Variants in C4orf51 observed in about 807,000 individuals in gnomAD.
C4orf51 encodes chromosome 4 open reading frame 51, also known as uncharacterized protein C4orf51.
A neutral mutation model predicts 25.2 loss-of-function variants in C4orf51; 25 were observed. The observed-to-expected ratio is 0.99, with a 90% CI of 0.72 to 1.39. C4orf51 has a LOEUF of 1.39. Among genes scored for constraint, C4orf51 ranks in the 40% most tolerant of loss-of-function variants. C4orf51 has a pLI of 0.00. For synonymous variants in C4orf51, 100 were observed against 84.5 expected, an observed-to-expected ratio of 1.18 and a Z score of -1.01; for missense variants, 252 against 239.6, an observed-to-expected ratio of 1.05 and a Z score of -0.34.
intron 1 of C4orf51, among the ~76,000 whole-genome samples, chr4:145,752,137 TA>T (rs1377001308): frequency 3.3e-5 from 5 of 152,202 alleles, no homozygotes; most frequent in African/African-American, 9.6e-5. Context: ...CTTGGTGCTC[TA>T]CCCCACTGTG....
At chr4:145,715,486 G>C (rs532923750) in intron 2 of C4orf51, among the ~76,000 whole-genome samples, 71 of 152,272 alleles carry the variant, frequency 4.7e-4, no homozygotes, top group Non-Finnish European at 9.4e-4. Context: ...TTGGCACTGA[G>C]TTGTGCTACC....
At chr4:145,718,056 A>G (rs6818284) in intron 2 of C4orf51, among the ~76,000 whole-genome samples, 6,475 of 152,258 alleles carry the variant, frequency 0.043, 398 homozygotes, top group African/African-American at 0.14. Flanking sequence ...CTGGGCCAAC[A>G]CTCACTGGCT....
At chr4:145,709,808 T>G (rs972028937) in intron 2 of C4orf51, among the ~76,000 whole-genome samples, 3 of 152,208 alleles carry the variant, frequency 2.0e-5, no homozygotes, top group African/African-American at 7.2e-5. Context: ...AGTGTCTCAG[T>G]TCTACTTGAT....
chr4:145,709,529 G>C (rs1731020479), intron 2 of C4orf51, among the ~76,000 whole-genome samples: 2 of 152,228 alleles, frequency 1.3e-5, no homozygotes, highest in African/African-American at 4.8e-5. Flanking sequence ...AGAGCTGCAG[G>C]AACATGAATT....
At chr4:145,684,639 G>C (rs556429699) in intron 1 of C4orf51, among the ~76,000 whole-genome samples, 10 of 152,192 alleles carry the variant, frequency 6.6e-5, no homozygotes, top group Non-Finnish European at 1.3e-4. Context: ...TTCATCAGTT[G>C]TAACAAATGT....
At chr4:145,740,965 T>G (rs1453910566) in intron 1 of C4orf51, among the ~76,000 whole-genome samples, 2 of 152,154 alleles carry the variant, frequency 1.3e-5, no homozygotes, top group Non-Finnish European at 2.9e-5. Flanking sequence ...GAGGTAGCAG[T>G]GAGTGTGGGG....
intron 2 of C4orf51, among the ~76,000 whole-genome samples, chr4:145,724,672 G>A (rs551103448): frequency 6.6e-5 from 10 of 152,110 alleles, no homozygotes; most frequent in South Asian, 6.2e-4. Flanking sequence ...GCTTGAGCTC[G>A]GGAGTTCGAG....
chr4:145,768,844 G>C (rs567300097), intron 1 of C4orf51, among the ~76,000 whole-genome samples: 28 of 73,356 alleles, frequency 3.8e-4, no homozygotes, highest in Non-Finnish European at 6.1e-4. Context: ...GGGTGACAGA[G>C]CAAGACTCCG....
At chr4:145,748,252 G>C (rs1733482426) in intron 1 of C4orf51, among the ~76,000 whole-genome samples, 1 of 151,686 alleles carries the variant, frequency 6.6e-6, no homozygotes, top group Admixed American at 6.6e-5. Context: ...TTTCAACTCT[G>C]CTTTTATTTA....
intron 1 of C4orf51, among the ~76,000 whole-genome samples, chr4:145,766,141 G>A (rs921768137): frequency 1.1e-4 from 16 of 152,138 alleles, no homozygotes; most frequent in African/African-American, 3.9e-4. Flanking sequence ...GTCACAGAAA[G>A]GTTAATCTGG....
the C4orf51 span, among the ~76,000 whole-genome samples, chr4:145,777,414 T>C: frequency 6.6e-6 from 1 of 152,236 alleles, no homozygotes; most frequent in Non-Finnish European, 1.5e-5. Flanking sequence ...AGCGAAAATT[T>C]CTGGACCTGA....
At chr4:145,755,485 A>G (rs1408716654), downstream of C4orf51, among the ~76,000 whole-genome samples, 2 of 152,210 alleles carry the variant, frequency 1.3e-5, no homozygotes, top group African/African-American at 4.8e-5. Context: ...GAATATAGCA[A>G]TTGGTTTTTC....
chr4:145,723,501 G>C (rs1329203117), intron 2 of C4orf51, among the ~76,000 whole-genome samples: 1 of 151,702 alleles, frequency 6.6e-6, no homozygotes, highest in East Asian at 1.9e-4. Context: ...AAGACCTGGA[G>C]GTATACTTCC....
chr4:145,723,470 G>A (rs576575411), intron 2 of C4orf51, among the ~76,000 whole-genome samples: 58 of 151,990 alleles, frequency 3.8e-4, no homozygotes, highest in Non-Finnish European at 7.4e-4. Context: ...CAGACACCCA[G>A]TAGGTGGACT....
Position 145,765,626 on chromosome 4 carries a change from C to T in C4orf51, n.167-5362C>T, listed in dbSNP as rs1560888962. Reference sequence around the variant, plus strand: ...AGATGACCAGCAGATTGTTCCCGCCCTTGTTTTTCTGGGAGCCATCTGAAT... The same window carrying T: ...AGATGACCAGCAGATTGTTCCCGCCTTTGTTTTTCTGGGAGCCATCTGAAT... On this transcript the variant is annotated intron_variant and non_coding_transcript_variant, in intron 1 of 1. Transcript: ENST00000510096. The surrounding 1 kb of genome is among the most constrained non-coding windows in gnomAD (Gnocchi z 4.7). The T allele has an allele frequency of 1.2e-6, 2 of 1,614,142 alleles. No homozygotes were observed. The highest frequency in any genetic ancestry group is 8.5e-7 in the Non-Finnish European group (1 of 1,180,022).
In C4orf51 at chr4:145,732,655, C is replaced by T. The variant is rs1579008092; in HGVS notation, c.*95C>T. ...CTCCCAACACCCTCCCCCCACCCGCCCCGCCCAGGAACGTCTGGACCCTGG... is the reference window on the plus strand; with the variant it reads ...CTCCCAACACCCTCCCCCCACCCGCTCCGCCCAGGAACGTCTGGACCCTGG... On this transcript the variant is annotated 3_prime_UTR_variant, in exon 6 of 6. Transcript: ENST00000438731. The T allele has an allele frequency of 1.2e-5, 9 of 761,162 alleles. No individual in the cohort carries two copies. Among genetic ancestry groups the T allele is most frequent in the Admixed American group, 2.4e-5 (1 of 41,322 alleles). The allele number at this position is 761,162 out of a possible 1,614,324, so 47.2% of individuals were successfully genotyped here. A position where few individuals can be genotyped will look rare whatever the true frequency, so the allele number is the denominator to read the frequency against.
intron 1 of C4orf51, chr4:145,764,751 G>C (rs1230151531): frequency 5.4e-6 from 3 of 553,522 alleles, no homozygotes; most frequent in Non-Finnish European, 9.7e-6. Context: ...CTTTTTTCTT[G>C]CCCTGAATCC....
At chr4:145,779,870 T>C in the C4orf51 span, among the ~76,000 whole-genome samples, 1 of 152,224 alleles carries the variant, frequency 6.6e-6, no homozygotes, top group Non-Finnish European at 1.5e-5. Context: ...ATTCCAGAAA[T>C]GTAGGCTCTT....
downstream of C4orf51, among the ~76,000 whole-genome samples, chr4:145,774,959 C>G (rs914608620): frequency 1.3e-5 from 2 of 152,200 alleles, no homozygotes; most frequent in African/African-American, 4.8e-5. Flanking sequence ...ATTCCAGATG[C>G]TGCACATCAC....
Sources: gnomAD v4.1 joint callset for allele counts (sites outside exome capture counted in the v4.1 genomes callset) on GRCh38, gnomAD v4.1.1 for gene constraint, Gnocchi (gnomAD v3.1) non-coding constraint, MANE v1.5 for transcripts, NCBI Gene and HGNC (gene_info 2026-07-23, HGNC 2026-07-21) for gene names.